The following HSP90AA1 variants were observed in gnomAD, a reference collection of about 807,000 sequenced individuals.
HSP90AA1 encodes heat shock protein 90 alpha family class A member 1.
A neutral mutation model predicts 73.3 loss-of-function variants in HSP90AA1; 18 were observed. The observed-to-expected ratio is 0.25, with a 90% CI of 0.17 to 0.36. The LOEUF is 0.36. HSP90AA1 is among the 10% of genes least tolerant of loss of function. HSP90AA1 has a pLI of 1.00. For synonymous variants in HSP90AA1, 477 were observed against 296.9 expected, an observed-to-expected ratio of 1.61 and a Z score of -6.24; for missense variants, 704 against 874.2, an observed-to-expected ratio of 0.81 and a Z score of 2.45.
intron 2 of HSP90AA1, among the ~76,000 whole-genome samples, chr14:102,096,651 G>T (rs968527358): frequency 6.6e-6 from 1 of 152,162 alleles, no homozygotes; most frequent in Non-Finnish European, 1.5e-5. Flanking sequence ...GTCTCAAGAC[G>T]CAGCACATGG....
intron 3 of HSP90AA1, 106 bp downstream of exon 3, chr14:102,085,652 G>A: frequency 6.5e-7 from 1 of 1,531,766 alleles, no homozygotes; most frequent in Non-Finnish European, 9.0e-7. Flanking sequence ...CCTGATCGTT[G>A]GGCAAACACA....
In HSP90AA1 at chr14:102,101,911, G is replaced by A. The variant is rs761402454; in HGVS notation, c.330C>T (p.Tyr110=). 20 of 1,614,012 alleles carry A rather than the reference G, an allele frequency of 1.2e-5. No individual in the cohort carries two copies. In the South Asian group the frequency reaches 2.2e-4, roughly 18 times the overall value. ...GCAATATAAATGGCTGCAGATCCTT[G>A]TAGAGGTGTTGCCCTGCACCTTGGC... is the stretch of plus-strand genomic sequence containing the variant. The change falls in exon 2 of 12, where the codon TAC becomes TAT. Residue 110 remains tyrosine, a synonymous_variant. Transcript: ENST00000334701.
At chr14:102,127,794 A>G (rs1046118098) in intron 1 of HSP90AA1, among the ~76,000 whole-genome samples, 4 of 152,030 alleles carry the variant, frequency 2.6e-5, no homozygotes, top group Admixed American at 6.6e-5. Context: ...TGGGACTACA[A>G]GTGTGTGTTG....
chr14:102,082,995 T>C (rs780284362), intron 9 of HSP90AA1, 39 bp downstream of exon 9: 3 of 1,594,748 alleles, frequency 1.9e-6, no homozygotes, highest in East Asian at 4.5e-5. Flanking sequence ...GAAAGCACCT[T>C]AGAAGTATCA....
chr14:102,128,376 C>T (rs995537058), intron 1 of HSP90AA1, among the ~76,000 whole-genome samples: 2 of 152,092 alleles, frequency 1.3e-5, no homozygotes, highest in African/African-American at 4.8e-5. Flanking sequence ...GCCTGTAATC[C>T]CAGAACTTTG....
At chr14:102,088,117 C>G (rs1399249832), upstream of HSP90AA1, among the ~76,000 whole-genome samples, 2 of 151,312 alleles carry the variant, frequency 1.3e-5, no homozygotes, top group East Asian at 3.9e-4. Context: ...GGCGCGGACA[C>G]CACACCTGTC....
chr14:102,087,373 C>T (rs1390588583), upstream of HSP90AA1, among the ~76,000 whole-genome samples: 7 of 151,708 alleles, frequency 4.6e-5, no homozygotes, highest in Admixed American at 1.3e-4. Context: ...GCCCTCCGCC[C>T]TGCACCCCCA....
intron 1 of HSP90AA1, among the ~76,000 whole-genome samples, chr14:102,135,005 C>T (rs1308406447): frequency 6.6e-6 from 1 of 152,228 alleles, no homozygotes; most frequent in African/African-American, 2.4e-5. Context: ...TAGTTAGATA[C>T]AGAGTTTCCA....
intron 1 of HSP90AA1, among the ~76,000 whole-genome samples, chr14:102,105,342 A>T (rs1284916547): frequency 6.6e-6 from 1 of 152,132 alleles, no homozygotes; most frequent in African/African-American, 2.4e-5. Flanking sequence ...TGTTGGAAAG[A>T]CAGATGCAAG....
intron 1 of HSP90AA1, among the ~76,000 whole-genome samples, chr14:102,121,821 C>T (rs2049781573): frequency 6.6e-6 from 1 of 152,036 alleles, no homozygotes; most frequent in African/African-American, 2.4e-5. Context: ...ATGTCCTTTG[C>T]CTATTTTTTT....
intron 1 of HSP90AA1, among the ~76,000 whole-genome samples, chr14:102,130,589 G>C (rs1210145015): frequency 6.6e-6 from 1 of 152,156 alleles, no homozygotes; most frequent in Non-Finnish European, 1.5e-5. Flanking sequence ...TAACTTTGCA[G>C]AAATGTCTAT....
At chr14:102,087,631 C>T (rs953989130), upstream of HSP90AA1, among the ~76,000 whole-genome samples, 1 of 152,198 alleles carries the variant, frequency 6.6e-6, no homozygotes, top group African/African-American at 2.4e-5. Context: ...CGGGGCTCTG[C>T]CCTCTGGGGG....
At chr14:102,125,823 T>C (rs145426347) in intron 1 of HSP90AA1, among the ~76,000 whole-genome samples, 33 of 152,264 alleles carry the variant, frequency 2.2e-4, no homozygotes, top group African/African-American at 6.3e-4. Context: ...TTCTCAAAGG[T>C]GAGTCACTCA....
chr14:102,101,804 G>T, intron 2 of HSP90AA1: 1 of 1,290,856 alleles, frequency 7.7e-7, no homozygotes, highest in Non-Finnish European at 1.1e-6. Context: ...CCAACCACCG[G>T]TTGGTTGGAT....
intron 1 of HSP90AA1, among the ~76,000 whole-genome samples, chr14:102,127,077 C>T (rs2049848897): frequency 6.6e-6 from 1 of 151,622 alleles, no homozygotes; most frequent in African/African-American, 2.4e-5. Context: ...ATAGCCTCCT[C>T]CCAATAAGTA....
rs1422668859 is a variant in HSP90AA1, at chr14:102,081,656, A to G, written c.*56T>C. On this transcript the variant is annotated 3_prime_UTR_variant, in exon 11 of 11. Transcript: ENST00000216281. Reference sequence around the variant, plus strand: ...AATAAAGAAAAACATCCTTGAAAATATATTATCAGAGGAATTGTAGAGTAC... The same window carrying G: ...AATAAAGAAAAACATCCTTGAAAATGTATTATCAGAGGAATTGTAGAGTAC... The G allele has an allele frequency of 2.1e-5, 17 of 826,354 alleles. No individual in the cohort carries two copies. The highest frequency in any genetic ancestry group is 4.0e-5 in the South Asian group (3 of 75,052). The allele number at this position is 826,354 out of a possible 1,614,324, so 51.2% of individuals were successfully genotyped here.
chr14:102,082,638 TGA>T (rs2049125073), intron 9 of HSP90AA1, 194 bp from the exon 10 acceptor site: 2 of 604,940 alleles, frequency 3.3e-6, no homozygotes, highest in South Asian at 1.9e-5. Flanking sequence ...ATTTTTTTTT[TGA>T]GATAGAGTCT....
chr14:102,133,645 G>A (rs1035894693), intron 1 of HSP90AA1, among the ~76,000 whole-genome samples: 5 of 151,944 alleles, frequency 3.3e-5, no homozygotes, highest in African/African-American at 2.4e-5. Context: ...CACCACGCCT[G>A]GCTAATTTTG....
chr14:102,087,788 C>G (rs368934823), upstream of HSP90AA1, among the ~76,000 whole-genome samples: 211 of 152,300 alleles, frequency 1.4e-3, no homozygotes, highest in African/African-American at 4.8e-3. Context: ...GGTCCCTTAG[C>G]TTGGGAATCG....
Sources: gnomAD v4.1 joint callset for allele counts (sites outside exome capture counted in the v4.1 genomes callset) on GRCh38, gnomAD v4.1.1 for gene constraint, MANE v1.5 for transcripts, NCBI Gene and HGNC (gene_info 2026-07-23, HGNC 2026-07-21) for gene names.